RBM7: variants seen among roughly 807,000 people sequenced by gnomAD.
RBM7 encodes RNA-binding protein 7.
In RBM7, 13 loss-of-function variants were observed where a neutral mutation model predicts 31.0. That is an observed-to-expected ratio of 0.42 (90% CI 0.27 to 0.67). RBM7 has a LOEUF of 0.67. Ranked by LOEUF, RBM7 falls within the 30% of genes least tolerant of loss-of-function variation. The pLI, the probability that RBM7 is intolerant of heterozygous loss-of-function variation, is 0.24. For synonymous variants in RBM7, 106 were observed against 111.2 expected (o/e 0.95, Z 0.30); for missense variants, 245 against 326.2 (o/e 0.75, Z 1.92).
At chr11:114,402,971 G>C (rs1051557020) in intron 3 of RBM7, 56 bp downstream of exon 3, 1 of 1,347,430 alleles carries the variant, frequency 7.4e-7, no homozygotes, top group African/African-American at 1.4e-5. Flanking sequence ...ATAGGGAATA[G>C]CCTCAAAACA....
At position 114,406,673 on chromosome 11, in the gene RBM7, T is replaced by C. The variant is rs1047839269; in HGVS notation, c.442-772T>C. 16 of 152,344 alleles carry C rather than the reference T, an allele frequency of 1.1e-4. No individual in the cohort carries two copies. In the East Asian group the frequency reaches 1.2e-3, roughly 11 times the overall value. The allele number at this position is 152,344 out of a possible 1,614,324, so 9.4% of individuals were successfully genotyped here. ...AAGTCAGATTCCTCTAGCCCAATTATTAGGGATTCTTATTGTCTGATTCCA... is the reference window on the plus strand; with the variant it reads ...AAGTCAGATTCCTCTAGCCCAATTACTAGGGATTCTTATTGTCTGATTCCA... On this transcript the variant is annotated intron_variant, in intron 4 of 4. Transcript: ENST00000375490.
rs766960963 is a variant in RBM7, at chr11:114,410,136, C to T, written c.*2329C>T. On this transcript the variant is annotated 3_prime_UTR_variant, in exon 5 of 5. Transcript: ENST00000375490. ...GATGCTTCATCTATATTGACAGCTG[C>T]AAGAACAGAAAGGAAGAAGAGATTA... 2 of 151,532 alleles carry T rather than the reference C, an allele frequency of 1.3e-5. No individual in the cohort carries two copies. The highest frequency in any genetic ancestry group is 2.1e-4 in the South Asian group (1 of 4,808). 9.4% of individuals were successfully genotyped at this position (151,532 alleles called of 1,614,324 possible). A position where few individuals can be genotyped will look rare whatever the true frequency, so the allele number is the denominator to read the frequency against.
In RBM7 at chr11:114,408,676, A is replaced by C. The variant is rs1361133186; in HGVS notation, c.*869A>C. On this transcript the variant is annotated 3_prime_UTR_variant, in exon 5 of 5. Transcript: ENST00000375490. Reference sequence around the variant, plus strand: ...AAGTGCCCAGACTGTGTACAAAGACACATGTAATGGAGATTGTACAGGTTG... The same window carrying C: ...AAGTGCCCAGACTGTGTACAAAGACCCATGTAATGGAGATTGTACAGGTTG... The C allele has an allele frequency of 6.6e-6, 1 of 152,454 alleles. No individual in the cohort carries two copies. The highest frequency in any genetic ancestry group is 1.5e-5 in the Non-Finnish European group (1 of 68,018). 9.4% of individuals were successfully genotyped at this position (152,454 alleles called of 1,614,324 possible).
At position 114,407,715 on chromosome 11, in the gene RBM7, T is replaced by TATGAAGACAGGAATC; in HGVS notation, c.717_731dup (p.Glu239_His243dup). 1.2e-6 allele frequency: 2 copies of TATGAAGACAGGAATC among 1,614,072 alleles called. No individual in the cohort carries two copies. Among genetic ancestry groups the TATGAAGACAGGAATC allele is most frequent in the Non-Finnish European group, 1.7e-6 (2 of 1,179,928 alleles). On this transcript the variant is annotated inframe_insertion, in exon 5 of 5. Transcript: ENST00000375490. ...CAGAGGAAAGAGAGATGATTTCTTC[T>TATGAAGACAGGAATC]ATGAAGACAGGAATCATGATGACTG...
At chr11:114,405,497 G>T (rs1295904412) in intron 3 of RBM7, among the ~76,000 whole-genome samples, 1 of 152,138 alleles carries the variant, frequency 6.6e-6, no homozygotes, top group Non-Finnish European at 1.5e-5. Context: ...CCTCCTATCT[G>T]TTTCACTTCC....
intron 4 of RBM7, 64 bp downstream of exon 4, chr11:114,405,863 A>G (rs1358064686): frequency 8.8e-7 from 1 of 1,139,404 alleles, no homozygotes; most frequent in Non-Finnish European, 1.3e-6. Context: ...AAATGTTCGC[A>G]TTGTATCAAA....
intron 2 of RBM7, chr11:114,402,143 A>G: frequency 3.7e-6 from 1 of 270,696 alleles, no homozygotes; most frequent in Non-Finnish European, 6.8e-6. Flanking sequence ...GAAAAGAGCT[A>G]GGTTTATTTT....
chr11:114,410,397 T>C lies in RBM7; in HGVS notation c.*2590T>C, dbSNP rs1946321458. The C allele has an allele frequency of 6.6e-6, 1 of 152,188 alleles. No individual in the cohort carries two copies. Among genetic ancestry groups the C allele is most frequent in the Non-Finnish European group, 1.5e-5 (1 of 68,032 alleles). The allele number at this position is 152,188 out of a possible 1,614,324, so 9.4% of individuals were successfully genotyped here. On this transcript the variant is annotated 3_prime_UTR_variant, in exon 5 of 5. Coordinates refer to ENST00000375490, the MANE Select transcript of RBM7 (RefSeq NM_001286045.2). Reference sequence around the variant, plus strand: ...CCTTTCCCCATCTAAAATAAAATTTTTATACCACTTTCTAATTATGTTGTG... The same window carrying C: ...CCTTTCCCCATCTAAAATAAAATTTCTATACCACTTTCTAATTATGTTGTG...
chr11:114,402,673 G>A (rs1426649311), intron 2 of RBM7, among the ~76,000 whole-genome samples, 155 bp from the exon 3 acceptor site: 1 of 151,986 alleles, frequency 6.6e-6, no homozygotes, highest in Admixed American at 6.6e-5. Context: ...CCAAAGTGCT[G>A]GGATTACAGG....
At position 114,410,271 on chromosome 11, in the gene RBM7, T is replaced by C. The variant is rs569547901; in HGVS notation, c.*2464T>C. 1.3e-5 allele frequency: 2 copies of C among 152,338 alleles called. No individual in the cohort carries two copies. The highest frequency in any genetic ancestry group is 4.1e-4 in the South Asian group (2 of 4,830). The allele number at this position is 152,338 out of a possible 1,614,324, so 9.4% of individuals were successfully genotyped here. On this transcript the variant is annotated 3_prime_UTR_variant, in exon 5 of 5. Coordinates refer to ENST00000375490, the MANE Select transcript of RBM7 (RefSeq NM_001286045.2). ...AATCAAATGTTTGGAAGCCATTTTGTGTTACTGTGTGACTTTCTTTTACTC... is the reference window on the plus strand; with the variant it reads ...AATCAAATGTTTGGAAGCCATTTTGCGTTACTGTGTGACTTTCTTTTACTC...
intron 3 of RBM7, among the ~76,000 whole-genome samples, chr11:114,403,450 AT>A (rs1189912602): frequency 6.6e-6 from 1 of 152,176 alleles, no homozygotes; most frequent in Non-Finnish European, 1.5e-5. Context: ...TGTAAGGAAA[AT>A]AAGTTGAATT....
chr11:114,404,712 A>G (rs1008432369), intron 3 of RBM7, among the ~76,000 whole-genome samples: 1 of 152,164 alleles, frequency 6.6e-6, no homozygotes, highest in South Asian at 2.1e-4. Context: ...GTACAAGTAA[A>G]TACTTTGGTT....
chr11:114,402,701 G>C, intron 2 of RBM7, 127 bp from the exon 3 acceptor site: 1 of 801,568 alleles, frequency 1.2e-6, no homozygotes, highest in Non-Finnish European at 2.0e-6. Context: ...CACCGCGCCC[G>C]GCCAGTAGTT....
chr11:114,410,464 A>G lies in RBM7; in HGVS notation c.*2657A>G, dbSNP rs1164606242. The G allele has an allele frequency of 6.6e-6, 1 of 152,200 alleles. No homozygotes were observed. Among genetic ancestry groups the G allele is most frequent in the Non-Finnish European group, 1.5e-5 (1 of 68,032 alleles). 9.4% of individuals were successfully genotyped at this position (152,200 alleles called of 1,614,324 possible). On this transcript the variant is annotated 3_prime_UTR_variant, in exon 5 of 5. Coordinates refer to ENST00000375490, the MANE Select transcript of RBM7 (RefSeq NM_001286045.2). Reference sequence around the variant, plus strand: ...ATACCTACTGCTACCATCTTAGAGTAGGCAATTTTCTCAAGAGGATTATTC... The same window carrying G: ...ATACCTACTGCTACCATCTTAGAGTGGGCAATTTTCTCAAGAGGATTATTC...
intron 3 of RBM7, among the ~76,000 whole-genome samples, chr11:114,404,066 C>T (rs553647020): frequency 6.6e-6 from 1 of 152,112 alleles, no homozygotes; most frequent in South Asian, 2.1e-4. Context: ...TGGAGAGGGT[C>T]TTTTAAACTA....
At chr11:114,402,453 G>T (rs539853861) in intron 2 of RBM7, among the ~76,000 whole-genome samples, 1 of 129,028 alleles carries the variant, frequency 7.8e-6, no homozygotes, top group Admixed American at 9.3e-5. Flanking sequence ...GCCTAGGCTG[G>T]AGTGCAGTGG....
At chr11:114,404,514 A>G (rs1946240660) in intron 3 of RBM7, among the ~76,000 whole-genome samples, 1 of 152,180 alleles carries the variant, frequency 6.6e-6, no homozygotes, top group African/African-American at 2.4e-5. Context: ...TAGGTAGAGG[A>G]AAATAAAAAG....
Position 114,400,681 on chromosome 11 carries a change from G to C in RBM7, c.10G>C (p.Ala4Pro). The change falls in exon 1 of 5, where the codon GCG (alanine) becomes CCG (proline). Residue 4 changes from alanine to proline, a missense_variant. Ala to Pro is a conservative substitution (Grantham distance 27). Coordinates refer to ENST00000375490, the MANE Select transcript of RBM7 (RefSeq NM_001286045.2). MGA[A>P]AAEADRTLFV... ...AGGGGGCGACGCTGAGATGGGGGCGGCGGCGGCGGAAGCGGATCGCACTCT... is the reference window on the plus strand; with the variant it reads ...AGGGGGCGACGCTGAGATGGGGGCGCCGGCGGCGGAAGCGGATCGCACTCT... 5.0e-6 allele frequency: 8 copies of C among 1,614,224 alleles called. No individual in the cohort carries two copies. Among genetic ancestry groups the C allele is most frequent in the Non-Finnish European group, 6.8e-6 (8 of 1,180,036 alleles).
chr11:114,402,264 C>T (rs1034747690), intron 2 of RBM7: 1 of 168,240 alleles, frequency 5.9e-6, no homozygotes, highest in Non-Finnish European at 1.2e-5. Context: ...GGGTGGAGAT[C>T]AGAAAATTAT....
Sources: allele counts gnomAD v4.1 joint callset (sites outside exome capture counted in the v4.1 genomes callset), GRCh38; gene constraint gnomAD v4.1.1; transcripts MANE v1.5; gene names NCBI Gene and HGNC (gene_info 2026-07-23, HGNC 2026-07-21).